CDH18: variants seen among roughly 807,000 people sequenced by gnomAD.
CDH18 encodes cadherin-18.
In CDH18, 31 loss-of-function variants were observed where a neutral mutation model predicts 67.9. The observed-to-expected ratio is 0.46, with a 90% CI of 0.34 to 0.62. The LOEUF (loss-of-function observed/expected upper bound fraction) is 0.62. CDH18 is among the 20% of genes least tolerant of loss of function. CDH18 has a pLI of 0.01. For missense variants in CDH18, 890 were observed against 975.5 expected, an observed-to-expected ratio of 0.91 and a Z score of 1.17; for synonymous variants, 362 against 347.2, an observed-to-expected ratio of 1.04 and a Z score of -0.48.
intron 2 of CDH18, among the ~76,000 whole-genome samples, chr5:19,935,706 CTT>C (rs529439532): frequency 1.7e-4 from 22 of 133,146 alleles, no homozygotes; most frequent in Admixed American, 3.8e-4. Flanking sequence ...TATTTAAAAA[CTT>C]TTTTTTTTTT....
At chr5:20,278,536 A>C (rs1745983876) in intron 1 of CDH18, among the ~76,000 whole-genome samples, 1 of 152,166 alleles carries the variant, frequency 6.6e-6, no homozygotes, top group Non-Finnish European at 1.5e-5. Context: ...TGAAAGAAAA[A>C]AAGATGTTAA....
chr5:19,748,206 G>A, intron 3 of CDH18, among the ~76,000 whole-genome samples: 1 of 146,518 alleles, frequency 6.8e-6, no homozygotes. Context: ...TTAAATAGCA[G>A]TAATATATTT....
At chr5:19,495,794 G>T (rs552108553) in intron 11 of CDH18, among the ~76,000 whole-genome samples, 1 of 150,958 alleles carries the variant, frequency 6.6e-6, no homozygotes, top group East Asian at 1.9e-4. Context: ...GAAAACTGCT[G>T]AAGTGAGATA....
intron 2 of CDH18, among the ~76,000 whole-genome samples, chr5:19,923,037 C>A (rs989022091): frequency 6.6e-6 from 1 of 152,072 alleles, no homozygotes. Context: ...TATTTCTATC[C>A]GGTCAGACCT....
chr5:20,019,702 T>TA (rs1416854581), intron 2 of CDH18, among the ~76,000 whole-genome samples: 1 of 152,168 alleles, frequency 6.6e-6, no homozygotes, highest in Non-Finnish European at 1.5e-5. Context: ...CTTTTCTTTA[T>TA]AAATTACCCA....
chr5:20,281,765 T>C (rs1746295738), intron 1 of CDH18, among the ~76,000 whole-genome samples: 2 of 152,144 alleles, frequency 1.3e-5, no homozygotes, highest in Admixed American at 1.3e-4. Flanking sequence ...GGTAGGTAGT[T>C]TGATGGGGAT....
intron 6 of CDH18, among the ~76,000 whole-genome samples, chr5:19,609,782 A>G (rs1320258403): frequency 6.6e-6 from 1 of 152,030 alleles, no homozygotes; most frequent in Non-Finnish European, 1.5e-5. Flanking sequence ...GGCAACTGTA[A>G]AAACCTCACA....
In CDH18 at chr5:19,566,904, A is replaced by C. The variant is rs1580247843; in HGVS notation, c.1253+4675T>G. Among the ~76,000 whole-genome samples, 5 of 152,304 alleles carry C rather than the reference A, an allele frequency of 3.3e-5. No individual in the cohort carries two copies. The South Asian group carries it at 1.0e-3, about 32-fold the overall frequency. On this transcript the variant is annotated intron_variant, in intron 8 of 12. Coordinates refer to ENST00000382275, the MANE Select transcript of CDH18 (RefSeq NM_004934.5). The stretch of plus-strand genomic sequence containing the variant: ...GCACAATACAGTAATTCAGCCATAA[A>C]ATAGAATAAGATTCTATCATTTGCA...
intron 2 of CDH18, among the ~76,000 whole-genome samples, chr5:20,061,415 G>C (rs1742475220): frequency 6.6e-6 from 1 of 151,974 alleles, no homozygotes; most frequent in Non-Finnish European, 1.5e-5. Flanking sequence ...ACCAAATTAA[G>C]CATTAAAGTA....
chr5:20,437,227 A>C (rs1414631185), intron 1 of CDH18, among the ~76,000 whole-genome samples: 1 of 151,198 alleles, frequency 6.6e-6, no homozygotes, highest in African/African-American at 2.4e-5. Context: ...TAAATACTAC[A>C]TTGCCTTGCC....
intron 2 of CDH18, among the ~76,000 whole-genome samples, chr5:20,222,267 A>G (rs1461930367): frequency 6.6e-6 from 1 of 152,140 alleles, no homozygotes; most frequent in Non-Finnish European, 1.5e-5. Flanking sequence ...CAAAAATTTT[A>G]TTTACGCTCC....
intron 6 of CDH18, among the ~76,000 whole-genome samples, chr5:19,611,358 G>A (rs956230602): frequency 6.6e-6 from 1 of 152,160 alleles, no homozygotes; most frequent in Non-Finnish European, 1.5e-5. Context: ...GAGTAATTCT[G>A]CAACAGGAAT....
chr5:20,194,260 G>C (rs1208664326), intron 2 of CDH18, among the ~76,000 whole-genome samples: 3 of 152,030 alleles, frequency 2.0e-5, no homozygotes, highest in Admixed American at 1.3e-4. Flanking sequence ...AGCAACTTCA[G>C]CAAAGTCTCA....
intron 10 of CDH18, among the ~76,000 whole-genome samples, chr5:19,512,767 C>G (rs1198411327): frequency 6.6e-6 from 1 of 152,038 alleles, no homozygotes; most frequent in African/African-American, 2.4e-5. Flanking sequence ...TTTTCATCGT[C>G]TCTTTTTAAA....
At chr5:20,252,048 A>G (rs1023876623) in intron 2 of CDH18, among the ~76,000 whole-genome samples, 1 of 152,176 alleles carries the variant, frequency 6.6e-6, no homozygotes, top group African/African-American at 2.4e-5. Context: ...ATAAAAATTC[A>G]AATACTTATG....
At chr5:19,502,383 A>G (rs892111259) in intron 11 of CDH18, among the ~76,000 whole-genome samples, 1 of 152,178 alleles carries the variant, frequency 6.6e-6, no homozygotes, top group Non-Finnish European at 1.5e-5. Context: ...GAAATGTACC[A>G]AAGAGGACAT....
At chr5:19,894,564 G>A (rs1789105572) in intron 2 of CDH18, among the ~76,000 whole-genome samples, 1 of 151,954 alleles carries the variant, frequency 6.6e-6, no homozygotes, top group Non-Finnish European at 1.5e-5. Flanking sequence ...TGAAGTTCCT[G>A]TAACAGCAAC....
chr5:20,454,119 T>C (rs572340751), intron 1 of CDH18, among the ~76,000 whole-genome samples: 44 of 152,076 alleles, frequency 2.9e-4, no homozygotes, highest in Non-Finnish European at 5.3e-4. Context: ...AGCTAGCAAA[T>C]TTGCCTAGGC....
intron 2 of CDH18, among the ~76,000 whole-genome samples, chr5:20,056,564 G>T (rs145542094): frequency 8.4e-6 from 1 of 119,432 alleles, no homozygotes. Context: ...TTAATTCTAA[G>T]AAGTTATATC....
Sources: gnomAD v4.1 joint callset for allele counts (sites outside exome capture counted in the v4.1 genomes callset) on GRCh38, gnomAD v4.1.1 for gene constraint, MANE v1.5 for transcripts, NCBI Gene and HGNC (gene_info 2026-07-23, HGNC 2026-07-21) for gene names.